Variants in NEGR1 observed in about 807,000 individuals in gnomAD.
NEGR1 encodes the protein neuronal growth regulator 1.
In NEGR1, 10 loss-of-function variants were observed where a neutral mutation model predicts 40.9. The ratio of observed to expected loss-of-function variants is 0.24; its 90% CI spans 0.15 to 0.42. NEGR1 has a LOEUF of 0.42. Ranked by LOEUF, NEGR1 falls within the 10% of genes least tolerant of loss-of-function variation. NEGR1 has a pLI of 1.00. For missense variants in NEGR1, 352 were observed against 438.9 expected (o/e 0.80, Z 1.77); for synonymous variants, 185 against 166.8 (o/e 1.11, Z -0.84).
intron 2 of NEGR1, among the ~76,000 whole-genome samples, chr1:71,863,249 C>G (rs1429295302): frequency 6.6e-6 from 1 of 152,106 alleles, no homozygotes; most frequent in East Asian, 1.9e-4. Flanking sequence ...ACATATACAC[C>G]ATGGAATACT....
chr1:71,758,224 T>C (rs2101696130), intron 3 of NEGR1, among the ~76,000 whole-genome samples: 1 of 152,232 alleles, frequency 6.6e-6, no homozygotes, highest in South Asian at 2.1e-4. Context: ...ATAAAAATGA[T>C]GTTTATTCTG....
intron 1 of NEGR1, among the ~76,000 whole-genome samples, chr1:72,083,850 CAG>C (rs1366484332): frequency 6.6e-6 from 1 of 152,048 alleles, no homozygotes; most frequent in Non-Finnish European, 1.5e-5. Flanking sequence ...CGTTCTGCCC[CAG>C]AGTGGTATAT....
chr1:72,081,347 A>C (rs1199765275), intron 1 of NEGR1, among the ~76,000 whole-genome samples: 1 of 152,114 alleles, frequency 6.6e-6, no homozygotes, highest in Non-Finnish European at 1.5e-5. Flanking sequence ...ACTCCCACTT[A>C]CTGTATAAAT....
At chr1:71,519,692 C>T (rs1380369734) in intron 6 of NEGR1, among the ~76,000 whole-genome samples, 2 of 130,012 alleles carry the variant, frequency 1.5e-5, no homozygotes, top group South Asian at 2.6e-4. Flanking sequence ...AACTAACCTG[C>T]ACAATGTGCA....
In NEGR1 at chr1:72,243,014, GAAT is replaced by G. The variant is rs1301363855; in HGVS notation, c.176+39302_176+39304del. Among the ~76,000 whole-genome samples the G allele has an allele frequency of 7.9e-5, 12 of 151,640 alleles. No individual in the cohort carries two copies. The East Asian group carries it at 9.7e-4, about 12-fold the overall frequency. ...ATAACAGATACATTCATTGAAGACAGAATAATAAAAAGTAAATAAAATCTGCTA... is the reference window on the plus strand; with the variant it reads ...ATAACAGATACATTCATTGAAGACAGAATAAAAAGTAAATAAAATCTGCTA... On this transcript the variant is annotated intron_variant, in intron 1 of 6. Coordinates refer to ENST00000357731, the MANE Select transcript of NEGR1 (RefSeq NM_173808.3).
chr1:71,458,288 A>C (rs116477318), intron 6 of NEGR1, among the ~76,000 whole-genome samples: 2,098 of 152,320 alleles, frequency 0.014, 44 homozygotes, highest in African/African-American at 0.048. Flanking sequence ...GTTCTAAATT[A>C]CCATAAACTC....
chr1:71,620,611 G>A (rs546398398), intron 4 of NEGR1, among the ~76,000 whole-genome samples: 26 of 151,882 alleles, frequency 1.7e-4, no homozygotes, highest in East Asian at 3.9e-4. Context: ...ATATGTCTTC[G>A]CCTAATGAAT....
At chr1:72,182,898 CTTCAT>C (rs1395508586) in intron 1 of NEGR1, among the ~76,000 whole-genome samples, 2 of 151,828 alleles carry the variant, frequency 1.3e-5, no homozygotes, top group Non-Finnish European at 2.9e-5. Context: ...ATTTGTGACA[CTTCAT>C]ATTTTCCTTA....
intron 5 of NEGR1, among the ~76,000 whole-genome samples, chr1:71,609,018 T>C (rs1650157326): frequency 6.6e-6 from 1 of 152,078 alleles, no homozygotes; most frequent in African/African-American, 2.4e-5. Flanking sequence ...TATTGTAGGG[T>C]GAAATGAGAG....
At chr1:72,085,239 T>A (rs749887133) in intron 1 of NEGR1, among the ~76,000 whole-genome samples, 1 of 152,212 alleles carries the variant, frequency 6.6e-6, no homozygotes. Context: ...TGCAGATATA[T>A]AGATAAATAC....
At chr1:71,808,849 A>G (rs1657877430) in intron 2 of NEGR1, among the ~76,000 whole-genome samples, 1 of 152,194 alleles carries the variant, frequency 6.6e-6, no homozygotes, top group Non-Finnish European at 1.5e-5. Context: ...TTCTAAATCA[A>G]TGCATACCAA....
At chr1:71,915,659 A>G (rs999669809) in intron 2 of NEGR1, among the ~76,000 whole-genome samples, 2 of 152,114 alleles carry the variant, frequency 1.3e-5, no homozygotes, top group African/African-American at 4.8e-5. Context: ...TAAGTGGCAG[A>G]GCCAAGGTCC....
chr1:72,127,241 G>A (rs137950826), intron 1 of NEGR1, among the ~76,000 whole-genome samples: 503 of 152,138 alleles, frequency 3.3e-3, no homozygotes, highest in African/African-American at 0.011. Context: ...GAGGCGGGAA[G>A]ATCACGACGT....
chr1:72,081,828 G>A (rs1056197772), intron 1 of NEGR1, among the ~76,000 whole-genome samples: 1 of 152,002 alleles, frequency 6.6e-6, no homozygotes, highest in Non-Finnish European at 1.5e-5. Flanking sequence ...ATCACTGTTA[G>A]GTAATCATAT....
intron 3 of NEGR1, among the ~76,000 whole-genome samples, chr1:71,736,872 A>C (rs1158014576): frequency 6.6e-6 from 1 of 152,222 alleles, no homozygotes; most frequent in Admixed American, 6.5e-5. Flanking sequence ...AAGAAAAGCA[A>C]AATTCTGCAA....
chr1:71,900,634 TTAACG>T (rs1255527168), intron 2 of NEGR1, among the ~76,000 whole-genome samples: 3 of 152,120 alleles, frequency 2.0e-5, no homozygotes, highest in Admixed American at 2.0e-4. Context: ...AAGGCTCCAA[TTAACG>T]TAGGAAAATA....
intron 1 of NEGR1, among the ~76,000 whole-genome samples, chr1:72,105,723 TGACAGACGAGCATCAAAG>T (rs1229910981): frequency 6.6e-6 from 1 of 151,968 alleles, no homozygotes; most frequent in Non-Finnish European, 1.5e-5. Context: ...CAAGTAATGC[TGACAGACGAGCATCAAAG>T]GAATGGGTAG....
chr1:72,098,921 T>TA (rs1557525792), intron 1 of NEGR1, among the ~76,000 whole-genome samples: 2 of 151,484 alleles, frequency 1.3e-5, no homozygotes, highest in Non-Finnish European at 2.9e-5. Flanking sequence ...AAAATAAAAC[T>TA]AAAATAAACT....
chr1:71,525,945 T>C (rs1160368803), intron 6 of NEGR1, among the ~76,000 whole-genome samples: 3 of 151,582 alleles, frequency 2.0e-5, no homozygotes, highest in South Asian at 2.1e-4. Context: ...GCATGTTACT[T>C]TGAGCCGAGA....
Sources: gnomAD v4.1 joint callset for allele counts (sites outside exome capture counted in the v4.1 genomes callset) on GRCh38, gnomAD v4.1.1 for gene constraint, MANE v1.5 for transcripts, NCBI Gene and HGNC (gene_info 2026-07-23, HGNC 2026-07-21) for gene names.